DIP2C: variants seen among roughly 807,000 people sequenced by gnomAD.
DIP2C encodes disco-interacting protein 2 homolog C.
DIP2C carries 33 observed loss-of-function variants against 192.4 expected under a neutral mutation model. That is an observed-to-expected ratio of 0.17 (90% CI 0.13 to 0.23). The LOEUF (loss-of-function observed/expected upper bound fraction) is 0.23. DIP2C is among the 10% of genes least tolerant of loss of function. The pLI, the probability that DIP2C is intolerant of heterozygous loss-of-function variation, is 1.00. For missense variants in DIP2C, 1,537 were observed against 2,110.1 expected (o/e 0.73, Z 5.32); for synonymous variants, 979 against 864.1 (o/e 1.13, Z -2.33).
At chr10:578,988 T>C (rs912496356) in intron 1 of DIP2C, among the ~76,000 whole-genome samples, 2 of 151,898 alleles carry the variant, frequency 1.3e-5, no homozygotes, top group African/African-American at 4.8e-5. Flanking sequence ...AGTGTACATA[T>C]GTAGGTACAC....
At chr10:609,645 ATT>A (rs755000458) in intron 1 of DIP2C, among the ~76,000 whole-genome samples, 1 of 152,214 alleles carries the variant, frequency 6.6e-6, no homozygotes, top group Non-Finnish European at 1.5e-5. Flanking sequence ...TGGTTAGAGT[ATT>A]TAACAGGATA....
chr10:351,779 G>T lies in DIP2C; in HGVS notation c.2986-2325C>A, dbSNP rs550093574. ...CCTCTGAGCATTTACTCTTAGAGGG[G>T]CTCCTTGCCACCTGTTCACAGCAAC... On this transcript the variant is annotated intron_variant, in intron 24 of 36. Coordinates refer to ENST00000280886, the MANE Select transcript of DIP2C (RefSeq NM_014974.3). Among the ~76,000 whole-genome samples, 6 of 152,246 alleles carry T rather than the reference G, an allele frequency of 3.9e-5. No homozygotes were observed. The East Asian group carries it at 1.2e-3, about 29-fold the overall frequency.
chr10:620,117 G>A (rs766092161), intron 1 of DIP2C, among the ~76,000 whole-genome samples: 88 of 152,268 alleles, frequency 5.8e-4, no homozygotes, highest in Non-Finnish European at 1.0e-3. Flanking sequence ...ATGTATTTAC[G>A]GAGGACGCCA....
At chr10:662,601 T>C (rs1006654461) in intron 1 of DIP2C, among the ~76,000 whole-genome samples, 2 of 152,248 alleles carry the variant, frequency 1.3e-5, no homozygotes, top group Non-Finnish European at 2.9e-5. Context: ...GAGTAATTGA[T>C]TGGATAAAAA....
At chr10:341,583 C>T (rs947573708) in intron 28 of DIP2C, among the ~76,000 whole-genome samples, 3 of 152,154 alleles carry the variant, frequency 2.0e-5, no homozygotes, top group Non-Finnish European at 4.4e-5. Context: ...GCCTGACACC[C>T]TCAGACACCC....
chr10:302,267 A>T (rs1053408486), intron 32 of DIP2C, among the ~76,000 whole-genome samples: 4 of 152,150 alleles, frequency 2.6e-5, no homozygotes, highest in Non-Finnish European at 5.9e-5. Context: ...TAGGAGTGGC[A>T]CTGCTTTTGC....
At chr10:424,417 G>A (rs750739940) in intron 4 of DIP2C, among the ~76,000 whole-genome samples, 1 of 143,142 alleles carries the variant, frequency 7.0e-6, no homozygotes, top group Non-Finnish European at 1.5e-5. Context: ...CCAGGCTGGA[G>A]AGCAGTGGCG....
chr10:452,249 C>T (rs1405600518), intron 3 of DIP2C, among the ~76,000 whole-genome samples: 3 of 152,168 alleles, frequency 2.0e-5, no homozygotes, highest in African/African-American at 4.8e-5. Flanking sequence ...TTCAAAACAT[C>T]CATAAACAGC....
At chr10:414,635 C>T (rs1589736461) in intron 7 of DIP2C, among the ~76,000 whole-genome samples, 1 of 150,090 alleles carries the variant, frequency 6.7e-6, no homozygotes, top group African/African-American at 2.5e-5. Flanking sequence ...TCAGCCTCTG[C>T]TACAGTCCTA....
intron 36 of DIP2C, among the ~76,000 whole-genome samples, chr10:280,008 G>A (rs867681060): frequency 2.3e-4 from 35 of 152,176 alleles, no homozygotes; most frequent in Admixed American, 1.6e-3. Context: ...CTATTTAGAC[G>A]GAAAATAAGG....
In DIP2C at chr10:462,920, T is replaced by C. The variant is rs536891629; in HGVS notation, c.268+9519A>G. Among the ~76,000 whole-genome samples, 64 of 152,252 alleles carry C rather than the reference T, an allele frequency of 4.2e-4. No homozygotes were observed. The South Asian group carries it at 5.6e-3, about 13-fold the overall frequency. On this transcript the variant is annotated intron_variant, in intron 3 of 36. Transcript: ENST00000280886. Reference sequence around the variant, plus strand: ...AACAGAACTAATGACAAAAACCACATGATTATCCCAATAGATGCAGAAAAG... The same window carrying C: ...AACAGAACTAATGACAAAAACCACACGATTATCCCAATAGATGCAGAAAAG...
intron 10 of DIP2C, among the ~76,000 whole-genome samples, chr10:396,660 G>A (rs1173833399): frequency 1.3e-5 from 2 of 152,088 alleles, no homozygotes; most frequent in Non-Finnish European, 2.9e-5. Context: ...CCCAGGACTG[G>A]GGTTAACTAT....
chr10:409,839 A>T (rs1323518526), intron 8 of DIP2C, among the ~76,000 whole-genome samples: 1 of 152,236 alleles, frequency 6.6e-6, no homozygotes, highest in Non-Finnish European at 1.5e-5. Flanking sequence ...ACAGTCTGAG[A>T]TCAAATAACA....
chr10:329,263 G>C (rs960076857), intron 30 of DIP2C, among the ~76,000 whole-genome samples, 170 bp downstream of exon 30: 1 of 152,186 alleles, frequency 6.6e-6, no homozygotes. Flanking sequence ...AAATATTCAC[G>C]TTAAAAAGAT....
intron 1 of DIP2C, among the ~76,000 whole-genome samples, chr10:578,060 A>G (rs907773552): frequency 6.6e-6 from 1 of 152,224 alleles, no homozygotes; most frequent in Admixed American, 6.5e-5. Flanking sequence ...ATTTGAGATT[A>G]TTCTCAAATT....
At chr10:389,170 G>A (rs1296609398) in intron 13 of DIP2C, among the ~76,000 whole-genome samples, 1 of 151,172 alleles carries the variant, frequency 6.6e-6, no homozygotes, top group Non-Finnish European at 1.5e-5. Context: ...GTCTCAAAGG[G>A]CCTCAGGGCA....
intron 3 of DIP2C, among the ~76,000 whole-genome samples, chr10:456,247 G>A (rs35281990): frequency 1.7e-4 from 20 of 118,638 alleles, no homozygotes; most frequent in East Asian, 5.5e-4. Context: ...GCCGTGAGGA[G>A]TAAATGAGAT....
intron 1 of DIP2C, chr10:664,852 A>G (rs1227297699): frequency 2.0e-5 from 3 of 152,224 alleles, no homozygotes; most frequent in African/African-American, 7.2e-5. Context: ...ACTTAATACT[A>G]AATAGACGGG....
intron 9 of DIP2C, among the ~76,000 whole-genome samples, chr10:401,347 ATG>A (rs1171316551): frequency 6.6e-6 from 1 of 151,644 alleles, no homozygotes; most frequent in East Asian, 1.9e-4. Flanking sequence ...ATGATTTTAC[ATG>A]TGTGGTAGCA....
Sources: gnomAD v4.1 joint callset for allele counts (sites outside exome capture counted in the v4.1 genomes callset) on GRCh38, gnomAD v4.1.1 for gene constraint, MANE v1.5 for transcripts, NCBI Gene and HGNC (gene_info 2026-07-23, HGNC 2026-07-21) for gene names.